Variants in CHEK1 observed in about 807,000 individuals in gnomAD.
The protein encoded by CHEK1 is serine/threonine-protein kinase Chk1.
A neutral mutation model predicts 60.2 loss-of-function variants in CHEK1; 32 were observed. The observed-to-expected ratio is 0.53, with a 90% CI of 0.40 to 0.71. CHEK1 has a LOEUF of 0.71. Ranked by LOEUF, CHEK1 falls within the 30% of genes least tolerant of loss-of-function variation. The pLI is 0.00. For synonymous variants in CHEK1, 179 were observed against 187.2 expected, an observed-to-expected ratio of 0.96 and a Z score of 0.36; for missense variants, 399 against 564.6, an observed-to-expected ratio of 0.71 and a Z score of 2.97.
At position 125,625,827 on chromosome 11, in the gene CHEK1, G is replaced by T. The variant is rs1464699905; in HGVS notation, c.-206G>T. 7.1e-6 allele frequency: 5 copies of T among 702,486 alleles called. No homozygotes were observed. Among genetic ancestry groups the T allele is most frequent in the African/African-American group, 7.0e-5 (4 of 57,276 alleles). The allele number at this position is 702,486 out of a possible 1,614,324, so 43.5% of individuals were successfully genotyped here. ...CCCCGACTGCAAAGCAGCCCTGGGC[G>T]GGAGCGGCAACATCTCCACGTCACC... On this transcript the variant is annotated 5_prime_UTR_variant, in exon 1 of 13. Transcript: ENST00000438015.
At position 125,656,652 on chromosome 11, in the gene CHEK1, T is replaced by G. The variant is rs894508571; in HGVS notation, c.*1332T>G. 6 of 215,736 alleles carry G rather than the reference T, an allele frequency of 2.8e-5. No individual in the cohort carries two copies. Among genetic ancestry groups the G allele is most frequent in the Non-Finnish European group, 4.7e-5 (5 of 107,016 alleles). 13.4% of individuals were successfully genotyped at this position (215,736 alleles called of 1,614,324 possible). ...AAAACAGCTCTCACTGACTTGAACC[T>G]CTTCTGTAAGCTCTAACCTTTTACC... On this transcript the variant is annotated 3_prime_UTR_variant, in exon 13 of 13. Coordinates refer to ENST00000438015, the MANE Select transcript of CHEK1 (RefSeq NM_001114122.3).
chr11:125,629,025 AT>A (rs1364401223), intron 3 of CHEK1, among the ~76,000 whole-genome samples: 1 of 152,084 alleles, frequency 6.6e-6, no homozygotes, highest in Non-Finnish European at 1.5e-5. Flanking sequence ...TCTCTTTATA[AT>A]TTTTCTGTGA....
downstream of CHEK1, chr11:125,678,036 T>G: frequency 2.5e-6 from 4 of 1,614,096 alleles, no homozygotes; most frequent in Non-Finnish European, 3.4e-6. Flanking sequence ...ATGCTCACCT[T>G]CAGCATGTTC....
chr11:125,669,175 C>T (rs939393464), intron 13 of CHEK1, among the ~76,000 whole-genome samples: 8 of 152,256 alleles, frequency 5.3e-5, no homozygotes, highest in Non-Finnish European at 7.4e-5. Context: ...AGGGTTTCCA[C>T]GTGGTATTGT....
At chr11:125,677,753 C>T (rs1239086989), downstream of CHEK1, 1 of 1,604,238 alleles carries the variant, frequency 6.2e-7, no homozygotes, top group Non-Finnish European at 8.5e-7. Flanking sequence ...TTCCCCATTT[C>T]CCACCTGAAG....
chr11:125,672,339 T>A (rs1199923054), intron 13 of CHEK1: 1 of 437,564 alleles, frequency 2.3e-6, no homozygotes, highest in Non-Finnish European at 4.1e-6. Context: ...CTGTGTGCTT[T>A]AACCATGTGA....
At chr11:125,644,463 G>A in intron 10 of CHEK1, 49 bp from the exon 11 acceptor site, 3 of 1,587,654 alleles carry the variant, frequency 1.9e-6, no homozygotes, top group Non-Finnish European at 2.6e-6. Flanking sequence ...TGATATTACT[G>A]TCTTTAGTCC....
At chr11:125,626,406 C>T (rs1297915340) in intron 1 of CHEK1, 1 of 430,852 alleles carries the variant, frequency 2.3e-6, no homozygotes, top group African/African-American at 2.0e-5. Context: ...TCCTCTTCCT[C>T]TCTTCCCCAG....
In CHEK1 at chr11:125,663,127, A is replaced by G. The variant is rs537243549; in HGVS notation, c.*27+7780A>G. ...ATACTAGTCCTTTGTCAAATATGTC[A>G]TTTGTGAAAAAAAAAAAACAAATAT... On this transcript the variant is annotated intron_variant, in intron 13 of 13. Coordinates refer to the CHEK1 transcript ENST00000428830. Among the ~76,000 whole-genome samples, 293 of 146,448 alleles carry G rather than the reference A, an allele frequency of 2.0e-3. 1 individual carries two copies. Among genetic ancestry groups the G allele is most frequent in the African/African-American group, 7.1e-3 (283 of 39,582 alleles).
At chr11:125,661,404 T>G (rs1388710359), downstream of CHEK1, among the ~76,000 whole-genome samples, 1 of 152,136 alleles carries the variant, frequency 6.6e-6, no homozygotes, top group Admixed American at 6.5e-5. Flanking sequence ...CTCTGCCTCC[T>G]GGGTGCAAGT....
At position 125,668,106 on chromosome 11, in the gene CHEK1, A is replaced by T. The variant is rs149372656; in HGVS notation, c.*28-7822A>T. ...TGGTTTAGTTAACAGAAATGAGGGT[A>T]TTTAACATTGATATAACACTATTGT... On this transcript the variant is annotated intron_variant, in intron 13 of 13. Transcript: ENST00000428830. Among the ~76,000 whole-genome samples, 408 of 152,330 alleles carry T rather than the reference A, an allele frequency of 2.7e-3. 1 individual carries two copies. Among genetic ancestry groups the T allele is most frequent in the African/African-American group, 8.9e-3 (368 of 41,574 alleles).
chr11:125,668,536 ATTAT>A (rs762170980), intron 13 of CHEK1, among the ~76,000 whole-genome samples: 2 of 151,542 alleles, frequency 1.3e-5, no homozygotes, highest in African/African-American at 2.4e-5. Flanking sequence ...TTTTTAATTA[ATTAT>A]TTATTTATTT....
intron 7 of CHEK1, among the ~76,000 whole-genome samples, chr11:125,637,162 C>T (rs1358209081): frequency 6.6e-6 from 1 of 152,142 alleles, no homozygotes; most frequent in East Asian, 1.9e-4. Context: ...AGAGGGGTTT[C>T]TGTATCTTTT....
At chr11:125,640,355 C>T (rs1425268203) in intron 8 of CHEK1, among the ~76,000 whole-genome samples, 1 of 151,998 alleles carries the variant, frequency 6.6e-6, no homozygotes, top group East Asian at 1.9e-4. Context: ...TCCTGGCTAA[C>T]ACGGTGTCAC....
chr11:125,646,405 C>T (rs1028294351), intron 11 of CHEK1, among the ~76,000 whole-genome samples: 1 of 152,196 alleles, frequency 6.6e-6, no homozygotes, highest in African/African-American at 2.4e-5. Flanking sequence ...TCTACTTTTT[C>T]ATCATTATGA....
chr11:125,637,519 A>G lies in CHEK1; in HGVS notation c.789A>G (p.Arg263=). 6.2e-7 allele frequency: 1 copy of G among 1,610,996 alleles called. No homozygotes were observed. ...CCATTCCAGACATCAAAAAAGATAG[A>G]TGGTACAACAAACCCCTCAAGAAAG... ...RITIPDIKKD[R]WYNKPLKKGA... is the part of the protein sequence containing the mutation. Residue 263 remains arginine (R), a synonymous_variant, in exon 8 of 13, where the codon AGA becomes AGG. Coordinates refer to ENST00000438015, the MANE Select transcript of CHEK1 (RefSeq NM_001114122.3).
chr11:125,673,310 T>G lies in CHEK1; in HGVS notation c.*28-2618T>G, dbSNP rs369561129. On this transcript the variant is annotated intron_variant, in intron 13 of 13. Coordinates refer to the CHEK1 transcript ENST00000428830. ...GCCTCCACCTCCCAGGTTCAAGCGATTGTCCTCCCTCAGCCTCCTGAGTAG... is the reference window on the plus strand; with the variant it reads ...GCCTCCACCTCCCAGGTTCAAGCGAGTGTCCTCCCTCAGCCTCCTGAGTAG... 2.2e-4 allele frequency among the ~76,000 whole-genome samples: 33 copies of G among 151,972 alleles called. No homozygotes were observed. The East Asian group carries it at 5.2e-3, about 24-fold the overall frequency.
chr11:125,676,276 G>A (rs1254416498), downstream of CHEK1: 6 of 1,503,758 alleles, frequency 4.0e-6, no homozygotes, highest in Non-Finnish European at 5.5e-6. Context: ...TCTTTCCTGG[G>A]CCCCTGTCAT....
intron 11 of CHEK1, among the ~76,000 whole-genome samples, chr11:125,647,801 C>T (rs1941556553): frequency 6.6e-6 from 1 of 152,112 alleles, no homozygotes; most frequent in African/African-American, 2.4e-5. Flanking sequence ...TAATTTTATA[C>T]AATGTTTTAA....
Sources: allele counts gnomAD v4.1 joint callset (sites outside exome capture counted in the v4.1 genomes callset), GRCh38; gene constraint gnomAD v4.1.1; transcripts MANE v1.5; gene names NCBI Gene and HGNC (gene_info 2026-07-23, HGNC 2026-07-21).